Variants in HDAC9 observed in about 807,000 individuals in gnomAD.
HDAC9 encodes MEF-2 interacting transcription repressor (MITR) protein.
Under a neutral mutation model 139.4 loss-of-function variants are expected in HDAC9, and 41 were observed. That is an observed-to-expected ratio of 0.29 (90% CI 0.23 to 0.38). The LOEUF is 0.38. Ranked by LOEUF, HDAC9 falls within the 10% of genes least tolerant of loss-of-function variation. The pLI is 1.00. For missense variants in HDAC9, 1,147 were observed against 1,297.0 expected (o/e 0.88, Z 1.78); for synonymous variants, 517 against 476.2 (o/e 1.09, Z -1.12).
chr7:18,257,436 C>CAA lies in HDAC9; in HGVS notation c.25+95091_25+95092dup, dbSNP rs1338381344. ...ACACACACACACACACACACACACA[C>CAA]AAAAAGAAAAAAAGAAAAAGTAGCA... is the stretch of plus-strand genomic sequence containing the variant. On this transcript the variant is annotated intron_variant, in intron 2 of 12. Coordinates refer to the HDAC9 transcript ENST00000417496. 7.1e-5 allele frequency among the ~76,000 whole-genome samples: 10 copies of CAA among 141,404 alleles called. No homozygotes were observed. The South Asian group carries it at 9.2e-4, about 13-fold the overall frequency. The allele number at this position is 141,404 out of a possible 152,430, so 92.8% of individuals were successfully genotyped here.
intron 25 of HDAC9, 50 bp downstream of exon 25, chr7:18,976,003 A>G (rs1784525411): frequency 6.4e-7 from 1 of 1,560,540 alleles, no homozygotes; most frequent in Non-Finnish European, 8.7e-7. Context: ...ATCCAGGCTC[A>G]TCGTTGATAT....
intron 22 of HDAC9, among the ~76,000 whole-genome samples, chr7:18,885,853 C>G (rs1374602371): frequency 6.6e-6 from 1 of 152,110 alleles, no homozygotes; most frequent in African/African-American, 2.4e-5. Context: ...TCTCATGGAG[C>G]ATTTTTCACA....
chr7:18,851,858 G>A (rs765430632), intron 21 of HDAC9, among the ~76,000 whole-genome samples: 9 of 152,272 alleles, frequency 5.9e-5, no homozygotes, highest in Middle Eastern at 3.4e-3. Context: ...TCCAATCAAA[G>A]TTGGTTTCCT....
At chr7:18,284,262 T>C (rs148245125) in intron 2 of HDAC9, among the ~76,000 whole-genome samples, 2 of 152,254 alleles carry the variant, frequency 1.3e-5, no homozygotes, top group Admixed American at 1.3e-4. Flanking sequence ...ATTTGGTATT[T>C]ACAACACACA....
intron 12 of HDAC9, among the ~76,000 whole-genome samples, chr7:18,726,116 T>C (rs1249835344): frequency 6.6e-6 from 1 of 152,246 alleles, no homozygotes; most frequent in East Asian, 1.9e-4. Flanking sequence ...TCTATATTTA[T>C]AATCCAAATT....
At position 18,299,327 on chromosome 7, in the gene HDAC9, G is replaced by A. The variant is rs116402046; in HGVS notation, c.-42+8812G>A. 4.4e-3 allele frequency among the ~76,000 whole-genome samples: 651 copies of A among 148,530 alleles called. 7 individuals are homozygous for A. Among genetic ancestry groups the A allele is most frequent in the African/African-American group, 0.016 (635 of 40,266 alleles). The stretch of plus-strand genomic sequence containing the variant: ...ATAATTCCAACGTAATATATTCCTT[G>A]TTTTGTAAGCGCCTTTGGGTAATGT... On this transcript the variant is annotated intron_variant, in intron 1 of 3. Transcript: ENST00000413509.
intron 1 of HDAC9, among the ~76,000 whole-genome samples, chr7:18,318,646 AC>A (rs1799819571): frequency 6.6e-6 from 1 of 152,240 alleles, no homozygotes; most frequent in African/African-American, 2.4e-5. Context: ...AGTAGCATTA[AC>A]TACTGATGAT....
chr7:18,228,435 T>C (rs1793218370), intron 2 of HDAC9, among the ~76,000 whole-genome samples: 2 of 152,118 alleles, frequency 1.3e-5, no homozygotes, highest in South Asian at 4.1e-4. Flanking sequence ...CATTCAACAA[T>C]CTTGATGTTC....
At chr7:18,640,231 C>T (rs1428204575) in intron 8 of HDAC9, among the ~76,000 whole-genome samples, 1 of 150,096 alleles carries the variant, frequency 6.7e-6, no homozygotes, top group Non-Finnish European at 1.5e-5. Context: ...GACCCTGTCT[C>T]TACAGGGAGA....
At chr7:18,673,306 A>T (rs1795771622) in intron 12 of HDAC9, among the ~76,000 whole-genome samples, 2 of 152,144 alleles carry the variant, frequency 1.3e-5, no homozygotes, top group African/African-American at 4.8e-5. Context: ...ACTAATGTTC[A>T]TGTCTTAGCT....
chr7:18,438,636 CTG>C (rs202128270), intron 1 of HDAC9, among the ~76,000 whole-genome samples: 45 of 94,404 alleles, frequency 4.8e-4, no homozygotes, highest in African/African-American at 1.7e-3. Flanking sequence ...CAGTGATATG[CTG>C]TGTGTGCGTG....
intron 2 of HDAC9, among the ~76,000 whole-genome samples, chr7:18,537,347 G>A (rs1187751503): frequency 2.0e-5 from 3 of 152,128 alleles, no homozygotes; most frequent in Non-Finnish European, 4.4e-5. Flanking sequence ...GTTTGGAAAA[G>A]GAATAAGAGA....
At chr7:18,210,815 T>G (rs1245588508) in intron 2 of HDAC9, among the ~76,000 whole-genome samples, 1 of 152,192 alleles carries the variant, frequency 6.6e-6, no homozygotes, top group Non-Finnish European at 1.5e-5. Context: ...ATAGCCAAGT[T>G]CATCATTTTA....
intron 22 of HDAC9, among the ~76,000 whole-genome samples, chr7:18,924,195 G>A (rs1804008213): frequency 6.7e-6 from 1 of 149,836 alleles, no homozygotes; most frequent in Non-Finnish European, 1.5e-5. Context: ...TATGAATTTT[G>A]CTAAATGTTA....
At chr7:18,089,034 C>A (rs1781976383) in intron 1 of HDAC9, among the ~76,000 whole-genome samples, 1 of 152,180 alleles carries the variant, frequency 6.6e-6, no homozygotes, top group Non-Finnish European at 1.5e-5. Flanking sequence ...TGTAAGGTGG[C>A]AATCCTGTCT....
chr7:18,553,283 C>T (rs1817710477), intron 2 of HDAC9, among the ~76,000 whole-genome samples: 1 of 152,054 alleles, frequency 6.6e-6, no homozygotes, highest in African/African-American at 2.4e-5. Context: ...GTTTATTTGC[C>T]TGTGGCCTGT....
At chr7:18,384,991 A>T (rs948669676) in intron 1 of HDAC9, among the ~76,000 whole-genome samples, 1 of 152,074 alleles carries the variant, frequency 6.6e-6, no homozygotes, top group Non-Finnish European at 1.5e-5. Context: ...TTCTGTTTCT[A>T]TTTACCTTTT....
intron 14 of HDAC9, among the ~76,000 whole-genome samples, chr7:18,756,259 T>A (rs187374536): frequency 6.6e-6 from 1 of 152,264 alleles, no homozygotes; most frequent in East Asian, 1.9e-4. Flanking sequence ...TATTTGGAGA[T>A]GGGAAAGTAA....
At chr7:18,575,293 C>T (rs1270438083) in intron 2 of HDAC9, among the ~76,000 whole-genome samples, 1 of 151,920 alleles carries the variant, frequency 6.6e-6, no homozygotes, top group African/African-American at 2.4e-5. Context: ...AAGGATTTAC[C>T]TTTTATATTT....
Sources: gnomAD v4.1 joint callset for allele counts (sites outside exome capture counted in the v4.1 genomes callset) on GRCh38, gnomAD v4.1.1 for gene constraint, MANE v1.5 for transcripts, NCBI Gene and HGNC (gene_info 2026-07-23, HGNC 2026-07-21) for gene names.